The following TENM4 variants were observed in gnomAD, a reference collection of about 807,000 sequenced individuals.
The protein encoded by TENM4 is teneurin transmembrane protein 4.
TENM4 carries 82 observed loss-of-function variants against 243.3 expected under a neutral mutation model. The ratio of observed to expected loss-of-function variants is 0.34; its 90% CI spans 0.28 to 0.40. The LOEUF is 0.40. TENM4 is among the 10% of genes least tolerant of loss of function. TENM4 has a pLI of 1.00. For synonymous variants in TENM4, 1,412 were observed against 1,456.3 expected (o/e 0.97, Z 0.69); for missense variants, 3,138 against 3,673.3 (o/e 0.85, Z 3.77).
At chr11:79,062,383 AGC>A in intron 6 of TENM4, among the ~76,000 whole-genome samples, 1 of 139,910 alleles carries the variant, frequency 7.1e-6, no homozygotes, top group African/African-American at 2.5e-5. Flanking sequence ...CATTTCATTT[AGC>A]TCAGCTAGAC....
At chr11:78,683,803 T>A (rs958072618) in intron 29 of TENM4, among the ~76,000 whole-genome samples, 7 of 151,892 alleles carry the variant, frequency 4.6e-5, no homozygotes, top group Non-Finnish European at 1.0e-4. Flanking sequence ...GGCTCCTCCC[T>A]AGATTCTTAA....
intron 22 of TENM4, among the ~76,000 whole-genome samples, 166 bp downstream of exon 22, chr11:78,729,210 T>A (rs1250504523): frequency 6.7e-6 from 1 of 148,678 alleles, no homozygotes; most frequent in Non-Finnish European, 1.5e-5. Flanking sequence ...GGTCTTTCAG[T>A]TCACATTCTT....
intron 3 of TENM4, among the ~76,000 whole-genome samples, chr11:79,207,966 GA>G (rs1481788402): frequency 6.6e-6 from 1 of 151,442 alleles, no homozygotes; most frequent in Non-Finnish European, 1.5e-5. Context: ...GGAAGCCACT[GA>G]AAATCACTAA....
At chr11:79,254,090 C>T (rs1388376005) in intron 2 of TENM4, among the ~76,000 whole-genome samples, 1 of 152,176 alleles carries the variant, frequency 6.6e-6, no homozygotes, top group Non-Finnish European at 1.5e-5. Flanking sequence ...GGAGTGTCCA[C>T]TGGTGAAACT....
chr11:79,054,822 T>C (rs1859899696), intron 6 of TENM4, among the ~76,000 whole-genome samples: 1 of 152,096 alleles, frequency 6.6e-6, no homozygotes, highest in African/African-American at 2.4e-5. Context: ...GTTGACTGCA[T>C]GTATTGTGTG....
intron 2 of TENM4, among the ~76,000 whole-genome samples, chr11:79,290,099 T>C (rs929003572): frequency 4.6e-5 from 7 of 152,144 alleles, no homozygotes; most frequent in African/African-American, 1.7e-4. Context: ...CCCAGCAGTT[T>C]CTACTTTAGT....
chr11:79,205,228 G>C (rs1445446235), intron 3 of TENM4, among the ~76,000 whole-genome samples: 2 of 152,128 alleles, frequency 1.3e-5, no homozygotes, highest in African/African-American at 4.8e-5. Flanking sequence ...TTTACACTCT[G>C]CCCAGCTTCC....
chr11:78,987,096 T>C (rs1357332922), intron 6 of TENM4, among the ~76,000 whole-genome samples: 2 of 152,190 alleles, frequency 1.3e-5, no homozygotes, highest in African/African-American at 4.8e-5. Context: ...TTTTATTGCT[T>C]CCTCCCCATC....
At position 79,236,635 on chromosome 11, in the gene TENM4, C is replaced by T. The variant is rs573965492; in HGVS notation, c.-264-20726G>A. Among the ~76,000 whole-genome samples, 45 of 152,306 alleles carry T rather than the reference C, an allele frequency of 3.0e-4. 1 individual carries two copies. In the East Asian group the frequency reaches 8.5e-3, roughly 29 times the overall value. Reference sequence around the variant, plus strand: ...ACTTGGCTCACTGGACTCTCATTATCTGGCCACATCTGCAGCAGATACCAA... The same window carrying T: ...ACTTGGCTCACTGGACTCTCATTATTTGGCCACATCTGCAGCAGATACCAA... On this transcript the variant is annotated intron_variant, in intron 2 of 33. Transcript: ENST00000278550.
intron 1 of TENM4, among the ~76,000 whole-genome samples, chr11:79,428,991 G>A (rs1173990547): frequency 6.6e-6 from 1 of 152,158 alleles, no homozygotes. Context: ...AATCTGTGGT[G>A]GGGGCATGGT....
At chr11:78,835,313 C>A (rs1858078688) in intron 12 of TENM4, among the ~76,000 whole-genome samples, 1 of 152,164 alleles carries the variant, frequency 6.6e-6, no homozygotes, top group South Asian at 2.1e-4. Flanking sequence ...CGAGACCATC[C>A]TGACCAACAT....
At chr11:79,146,810 A>G (rs183578723) in intron 4 of TENM4, among the ~76,000 whole-genome samples, 24 of 152,206 alleles carry the variant, frequency 1.6e-4, no homozygotes, top group African/African-American at 4.6e-4. Flanking sequence ...TACCACTCTT[A>G]TCAAATAATG....
chr11:79,215,661 C>T, intron 3 of TENM4, 147 bp downstream of exon 3: 4 of 705,640 alleles, frequency 5.7e-6, no homozygotes, highest in Non-Finnish European at 7.0e-6. Flanking sequence ...TTACTCTGGC[C>T]AGAACTCCTC....
In TENM4 at chr11:79,257,141, G is replaced by A. The variant is rs541884558; in HGVS notation, c.-265+40347C>T. 2.0e-5 allele frequency among the ~76,000 whole-genome samples: 3 copies of A among 152,206 alleles called. No individual in the cohort carries two copies. In the South Asian group the frequency reaches 6.2e-4, roughly 32 times the overall value. ...AGGTGGTAGGAGATGGGCTGGAGGG[G>A]CACATATGGACCAATCATGGTGGGC... On this transcript the variant is annotated intron_variant, in intron 2 of 33. Coordinates refer to ENST00000278550, the MANE Select transcript of TENM4 (RefSeq NM_001098816.3).
At chr11:79,426,545 A>G (rs777212610) in intron 1 of TENM4, among the ~76,000 whole-genome samples, 19 of 152,276 alleles carry the variant, frequency 1.2e-4, no homozygotes, top group Non-Finnish European at 2.4e-4. Context: ...AGATGAGAGA[A>G]GATCGGAGTG....
At chr11:79,347,385 G>C (rs1488121391) in intron 1 of TENM4, among the ~76,000 whole-genome samples, 10 of 152,128 alleles carry the variant, frequency 6.6e-5, no homozygotes, top group Admixed American at 6.5e-4. Context: ...CTCCTAATAG[G>C]CCATGGACCT....
At chr11:79,385,087 AT>A (rs1478750476) in intron 1 of TENM4, among the ~76,000 whole-genome samples, 1 of 152,146 alleles carries the variant, frequency 6.6e-6, no homozygotes, top group Non-Finnish European at 1.5e-5. Flanking sequence ...CCAAAGTGGC[AT>A]TGGAGAGAAA....
intron 6 of TENM4, among the ~76,000 whole-genome samples, chr11:78,978,090 A>C (rs545961697): frequency 1.3e-5 from 2 of 152,270 alleles, no homozygotes; most frequent in East Asian, 1.9e-4. Context: ...CTTTCTCAGC[A>C]AACTAACACA....
intron 15 of TENM4, among the ~76,000 whole-genome samples, chr11:78,793,493 TA>T (rs1325495120): frequency 1.3e-5 from 2 of 152,190 alleles, no homozygotes; most frequent in Admixed American, 6.5e-5. Flanking sequence ...GAAATTTTAA[TA>T]GAGGGTTAAT....
Sources: allele counts gnomAD v4.1 joint callset (sites outside exome capture counted in the v4.1 genomes callset), GRCh38; gene constraint gnomAD v4.1.1; transcripts MANE v1.5; gene names NCBI Gene and HGNC (gene_info 2026-07-23, HGNC 2026-07-21).